The following STRN variants were observed in gnomAD, a reference collection of about 807,000 sequenced individuals.
The protein encoded by STRN is protein phosphatase 2 regulatory subunit B'''alpha.
Under a neutral mutation model 96.3 loss-of-function variants are expected in STRN, and 53 were observed. The ratio of observed to expected loss-of-function variants is 0.55; its 90% CI spans 0.44 to 0.69. The LOEUF (loss-of-function observed/expected upper bound fraction) is 0.69. Among genes scored for constraint, STRN ranks in the 30% least tolerant of loss-of-function variants. The pLI, the probability that STRN is intolerant of heterozygous loss-of-function variation, is 0.00. For missense variants in STRN, 987 were observed against 963.9 expected, an observed-to-expected ratio of 1.02 and a Z score of -0.32; for synonymous variants, 428 against 355.9, an observed-to-expected ratio of 1.20 and a Z score of -2.28.
intron 1 of STRN, among the ~76,000 whole-genome samples, chr2:36,943,203 G>A (rs1030499492): frequency 8.6e-5 from 13 of 151,894 alleles, no homozygotes; most frequent in African/African-American, 2.4e-4. Flanking sequence ...CAAACTTTAC[G>A]TAGACATATA....
rs56996485 is a variant in STRN at position 36,940,836 on chromosome 2, C to CAA, written c.235-15630_235-15629dup. On this transcript the variant is annotated intron_variant, in intron 1 of 17. Transcript: ENST00000263918. Reference sequence around the variant, plus strand: ...TGGGCGACTGGGCAAGACTCTGTCTCAAAAAAAAAAAAAAAAAAAAAAAAA... The same window carrying CAA: ...TGGGCGACTGGGCAAGACTCTGTCTCAAAAAAAAAAAAAAAAAAAAAAAAAAA... Among the ~76,000 whole-genome samples the CAA allele has an allele frequency of 6.2e-3, 288 of 46,482 alleles. 10 individuals carry two copies. The highest frequency in any genetic ancestry group is 0.014 in the African/African-American group (239 of 16,860). 30.5% of individuals were successfully genotyped at this position (46,482 alleles called of 152,430 possible). A position where few individuals can be genotyped will look rare whatever the true frequency, so the allele number is the denominator to read the frequency against.
chr2:36,915,513 A>G (rs987166836), intron 3 of STRN, among the ~76,000 whole-genome samples: 16 of 151,996 alleles, frequency 1.1e-4, no homozygotes. Context: ...GATGGTATGA[A>G]GAAGTAGGAA....
chr2:36,952,449 GA>G (rs10557458), intron 1 of STRN, among the ~76,000 whole-genome samples: 283 of 76,902 alleles, frequency 3.7e-3, no homozygotes, highest in South Asian at 0.011. Context: ...AAGCACGAGA[GA>G]AAAAAAAAAA....
intron 1 of STRN, among the ~76,000 whole-genome samples, chr2:36,938,196 C>T (rs571937967): frequency 2.6e-5 from 4 of 152,068 alleles, no homozygotes; most frequent in Non-Finnish European, 5.9e-5. Context: ...GAGGCCGAGG[C>T]GGGTGGATCA....
rs58389468 is a variant in STRN, at chr2:36,953,402, CT to C, written c.234+12827del. ...TCCATTATCTTATACAGATAAGGTC[CT>C]TTTTTTTTTTTTTTTTGGAAATGCA... is the stretch of plus-strand genomic sequence containing the variant. On this transcript the variant is annotated intron_variant, in intron 1 of 17. Coordinates refer to ENST00000263918, the MANE Select transcript of STRN (RefSeq NM_003162.4). 5.5e-3 allele frequency among the ~76,000 whole-genome samples: 741 copies of C among 135,124 alleles called. 1 individual carries two copies. Among genetic ancestry groups the C allele is most frequent in the Non-Finnish European group, 7.1e-3 (448 of 62,690 alleles). 88.6% of individuals were successfully genotyped at this position (135,124 alleles called of 152,430 possible).
chr2:36,902,773 AG>A, intron 4 of STRN, 22 bp from the exon 5 acceptor site: 1 of 1,567,030 alleles, frequency 6.4e-7, no homozygotes, highest in South Asian at 1.2e-5. Flanking sequence ...GAATCCTTAG[AG>A]TTCAGTCATA....
chr2:36,943,791 G>A (rs939756309), intron 1 of STRN, among the ~76,000 whole-genome samples: 11 of 150,952 alleles, frequency 7.3e-5, no homozygotes, highest in Admixed American at 6.6e-5. Context: ...ACGACAGAAC[G>A]AGACTCTGTC....
intron 2 of STRN, among the ~76,000 whole-genome samples, chr2:36,916,380 G>C (rs1048762517): frequency 6.6e-6 from 1 of 151,774 alleles, no homozygotes; most frequent in Admixed American, 6.6e-5. Context: ...AATAACTCTG[G>C]GAATCATTAA....
intron 3 of STRN, among the ~76,000 whole-genome samples, chr2:36,915,235 ATATATAT>A (rs1670063396): frequency 6.5e-5 from 2 of 31,002 alleles, no homozygotes; most frequent in African/African-American, 1.4e-3. Context: ...ATACATAAAT[ATATATAT>A]ATATATATAT....
chr2:36,924,521 G>A (rs1670358592), intron 2 of STRN, among the ~76,000 whole-genome samples: 1 of 151,928 alleles, frequency 6.6e-6, no homozygotes, highest in African/African-American at 2.4e-5. Flanking sequence ...AAAATGAATG[G>A]GTATTAACAG....
chr2:36,964,288 C>A (rs1665103242), intron 1 of STRN, among the ~76,000 whole-genome samples: 1 of 146,514 alleles, frequency 6.8e-6, no homozygotes, highest in Non-Finnish European at 1.5e-5. Flanking sequence ...TTTTTTTTAA[C>A]CAAATTAGTG....
chr2:36,950,923 T>C (rs1036375859), intron 1 of STRN, among the ~76,000 whole-genome samples: 2 of 152,142 alleles, frequency 1.3e-5, no homozygotes, highest in African/African-American at 4.8e-5. Flanking sequence ...AATTGAGGCA[T>C]TTATATTATT....
chr2:36,942,181 G>A (rs1318384975), intron 1 of STRN, among the ~76,000 whole-genome samples: 1 of 152,092 alleles, frequency 6.6e-6, no homozygotes, highest in Non-Finnish European at 1.5e-5. Flanking sequence ...AGACCTTTTT[G>A]TTGCTTTTCC....
intron 1 of STRN, among the ~76,000 whole-genome samples, chr2:36,938,982 ATTTG>A (rs572034553): frequency 1.4e-3 from 206 of 148,410 alleles, no homozygotes; most frequent in African/African-American, 3.2e-3. Context: ...TTTTTTTTTT[ATTTG>A]TTTGTTTGTT....
At chr2:36,853,212 G>C (rs969991934) in intron 15 of STRN, among the ~76,000 whole-genome samples, 4 of 152,096 alleles carry the variant, frequency 2.6e-5, no homozygotes. Flanking sequence ...TAAGTTCTTA[G>C]TCAGTTACAC....
intron 7 of STRN, among the ~76,000 whole-genome samples, chr2:36,887,029 G>A (rs1669250254): frequency 6.7e-6 from 1 of 148,678 alleles, no homozygotes; most frequent in Non-Finnish European, 1.5e-5. Flanking sequence ...CCTAGAATCA[G>A]TTTCTCCTGA....
intron 15 of STRN, among the ~76,000 whole-genome samples, chr2:36,854,030 T>C (rs1163643073): frequency 6.6e-6 from 1 of 151,722 alleles, no homozygotes; most frequent in Non-Finnish European, 1.5e-5. Flanking sequence ...TGGGGGAAAA[T>C]GTGGATTCAC....
chr2:36,849,833 T>A (rs1378518024), intron 16 of STRN, 33 bp from the exon 17 acceptor site: 10 of 1,599,640 alleles, frequency 6.3e-6, no homozygotes, highest in Non-Finnish European at 6.0e-6. Flanking sequence ...TCCTTATTAA[T>A]GCCTTTCCTC....
rs761423690 is a variant in STRN at position 36,939,539 on chromosome 2, CTTA to C, written c.235-14334_235-14332del. Among the ~76,000 whole-genome samples the C allele has an allele frequency of 1.8e-4, 27 of 151,482 alleles. No homozygotes were observed. The East Asian group carries it at 2.7e-3, about 15-fold the overall frequency. ...AACAAAATTCAACATCTATTCTTTC[CTTA>C]TTATTATTATTATTATTTTTTGCAG... On this transcript the variant is annotated intron_variant, in intron 1 of 17. Coordinates refer to ENST00000263918, the MANE Select transcript of STRN (RefSeq NM_003162.4).
Sources: gnomAD v4.1 joint callset for allele counts (sites outside exome capture counted in the v4.1 genomes callset) on GRCh38, gnomAD v4.1.1 for gene constraint, MANE v1.5 for transcripts, NCBI Gene and HGNC (gene_info 2026-07-23, HGNC 2026-07-21) for gene names.